Variants in EML1 observed in about 807,000 individuals in gnomAD.
The protein encoded by EML1 is EMAP like 1, also known as echinoderm microtubule-associated protein-like 1.
A neutral mutation model predicts 110.4 loss-of-function variants in EML1; 27 were observed. That is an observed-to-expected ratio of 0.24 (90% confidence interval 0.18 to 0.34). EML1 has a LOEUF of 0.34. EML1 is among the 10% of genes least tolerant of loss of function. EML1 has a pLI of 1.00. For synonymous variants in EML1, 344 were observed against 385.8 expected, an observed-to-expected ratio of 0.89 and a Z score of 1.27; for missense variants, 741 against 1,030.9, an observed-to-expected ratio of 0.72 and a Z score of 3.85.
chr14:99,914,533 C>T (rs1566935301), intron 14 of EML1, 33 bp from the exon 15 acceptor site: 1 of 1,575,648 alleles, frequency 6.3e-7, no homozygotes, highest in East Asian at 2.2e-5. Flanking sequence ...TGTAGTATCT[C>T]AGAGCGCTTC....
intron 1 of EML1, among the ~76,000 whole-genome samples, chr14:99,835,721 G>C (rs559145931): frequency 2.0e-5 from 3 of 152,268 alleles, no homozygotes; most frequent in African/African-American, 4.8e-5. Flanking sequence ...GTTAGTATTT[G>C]TGAAAGTTTT....
intron 3 of EML1, 86 bp downstream of exon 3, chr14:99,865,732 T>C: frequency 5.4e-6 from 8 of 1,475,092 alleles, no homozygotes; most frequent in Non-Finnish European, 7.2e-6. Flanking sequence ...AAAATGACAT[T>C]GTACAATTTC....
upstream of EML1, among the ~76,000 whole-genome samples, chr14:99,769,606 G>T (rs536080141): frequency 2.6e-5 from 4 of 152,304 alleles, no homozygotes; most frequent in South Asian, 8.3e-4. Flanking sequence ...ACTAGTTCAG[G>T]GTGATGGTCA....
intron 1 of EML1, among the ~76,000 whole-genome samples, chr14:99,777,417 G>A (rs1321439228): frequency 6.6e-6 from 1 of 151,628 alleles, no homozygotes; most frequent in Non-Finnish European, 1.5e-5. Flanking sequence ...TTCTTTTTTT[G>A]TTTCTTTTTG....
At chr14:99,933,207 G>A (rs1007232663) in intron 17 of EML1, among the ~76,000 whole-genome samples, 2 of 152,076 alleles carry the variant, frequency 1.3e-5, no homozygotes, top group African/African-American at 2.4e-5. Context: ...ATGGCGTGTC[G>A]CTCTGTCGCC....
intron 1 of EML1, among the ~76,000 whole-genome samples, chr14:99,808,839 A>G (rs1025562557): frequency 8.5e-5 from 13 of 152,248 alleles, no homozygotes; most frequent in African/African-American, 3.1e-4. Context: ...CTAATATTTT[A>G]CAGTTTTTAA....
At chr14:99,878,996 G>A (rs2059341784) in intron 4 of EML1, among the ~76,000 whole-genome samples, 1 of 152,320 alleles carries the variant, frequency 6.6e-6, no homozygotes, top group African/African-American at 2.4e-5. Context: ...TTAATGGACT[G>A]CTTTAAGTTT....
chr14:99,865,353 T>C (rs540947667), intron 2 of EML1, among the ~76,000 whole-genome samples, 161 bp from the exon 3 acceptor site: 4 of 152,322 alleles, frequency 2.6e-5, no homozygotes, highest in African/African-American at 9.6e-5. Flanking sequence ...GAGTGATGGG[T>C]AGCAACCGTA....
intron 1 of EML1, among the ~76,000 whole-genome samples, chr14:99,810,311 G>A (rs2058053986): frequency 6.6e-6 from 1 of 152,100 alleles, no homozygotes; most frequent in Admixed American, 6.5e-5. Flanking sequence ...TCATTTCTTT[G>A]TTCAACAGGA....
At chr14:99,778,469 A>G (rs2057506383) in intron 1 of EML1, among the ~76,000 whole-genome samples, 1 of 152,112 alleles carries the variant, frequency 6.6e-6, no homozygotes, top group Non-Finnish European at 1.5e-5. Context: ...ATTTCTCCGG[A>G]GCCTCTGTTA....
At chr14:99,917,941 T>C in intron 16 of EML1, 92 bp downstream of exon 16, 1 of 1,315,266 alleles carries the variant, frequency 7.6e-7, no homozygotes, top group Non-Finnish European at 1.1e-6. Flanking sequence ...CCCGTTCAGC[T>C]CTTGGCTACA....
intron 17 of EML1, among the ~76,000 whole-genome samples, chr14:99,935,099 T>C (rs2060444619): frequency 6.6e-6 from 1 of 152,176 alleles, no homozygotes; most frequent in Non-Finnish European, 1.5e-5. Context: ...CTGGTGGGCT[T>C]TCTGGGCCCT....
chr14:99,878,601 G>A lies in EML1; in HGVS notation c.500G>A (p.Gly167Asp). The A allele has an allele frequency of 6.2e-7, 1 of 1,613,334 alleles. No individual in the cohort carries two copies. The highest frequency in any genetic ancestry group is 8.5e-7 in the Non-Finnish European group (1 of 1,179,788). ...GGCTCCACCAGCAGCTCTTCCAGTG[G>A]CAAAAAGAACAGTGAAAGGTAAGGA... is the stretch of plus-strand genomic sequence containing the variant. ...RTGSTSSSSS[G>D]KKNSESKPKE... The change falls in exon 4 of 22, where the codon GGC becomes GAC. Residue 167 changes from glycine to aspartate, a missense_variant. Transcript: ENST00000262233.
chr14:99,793,687 C>A, intron 1 of EML1, 144 bp downstream of exon 1: 2 of 519,448 alleles, frequency 3.9e-6, no homozygotes, highest in Non-Finnish European at 2.5e-6. Context: ...GGCGCGCGGT[C>A]CCCGTTCCCG....
At chr14:99,843,147 G>A (rs573640495) in intron 1 of EML1, among the ~76,000 whole-genome samples, 11 of 152,162 alleles carry the variant, frequency 7.2e-5, no homozygotes, top group South Asian at 4.2e-4. Flanking sequence ...CCAACTACTC[G>A]GGAGGCTGAG....
chr14:99,877,684 G>A (rs774347539), intron 3 of EML1, among the ~76,000 whole-genome samples: 9 of 152,130 alleles, frequency 5.9e-5, no homozygotes, highest in African/African-American at 1.2e-4. Context: ...GTCGTTACTC[G>A]TGACGTCCTG....
At chr14:99,819,692 G>A (rs902462210) in intron 1 of EML1, among the ~76,000 whole-genome samples, 2 of 152,184 alleles carry the variant, frequency 1.3e-5, no homozygotes, top group African/African-American at 2.4e-5. Flanking sequence ...GCTCTGTCTG[G>A]AGGTTTCCCT....
At chr14:99,925,438 G>A (rs1174418548) in intron 17 of EML1, among the ~76,000 whole-genome samples, 2 of 151,846 alleles carry the variant, frequency 1.3e-5, no homozygotes, top group African/African-American at 4.8e-5. Context: ...TTTTTTTAGA[G>A]ACAGGGTATT....
intron 1 of EML1, among the ~76,000 whole-genome samples, chr14:99,849,553 ATTTG>A (rs201871583): frequency 4.7e-5 from 7 of 149,400 alleles, no homozygotes; most frequent in South Asian, 2.1e-4. Context: ...TTATTTATTT[ATTTG>A]TTTATTTTGA....
Sources: allele counts gnomAD v4.1 joint callset (sites outside exome capture counted in the v4.1 genomes callset), GRCh38; gene constraint gnomAD v4.1.1; transcripts MANE v1.5; gene names NCBI Gene and HGNC (gene_info 2026-07-23, HGNC 2026-07-21).